WDPCP: variants seen among roughly 807,000 people sequenced by gnomAD.
The protein encoded by WDPCP is WD repeat containing planar cell polarity effector.
Under a neutral mutation model 93.1 loss-of-function variants are expected in WDPCP, and 71 were observed. The observed-to-expected ratio is 0.76, with a 90% CI of 0.63 to 0.93. The LOEUF (loss-of-function observed/expected upper bound fraction) is 0.93. WDPCP is among the 40% of genes least tolerant of loss of function. The probability of loss-of-function intolerance (pLI) is 0.00; values close to 1 mark genes in which losing one functional copy is unlikely to be tolerated. For missense variants in WDPCP, 844 were observed against 887.4 expected (o/e 0.95, Z 0.62); for synonymous variants, 315 against 315.0 (o/e 1.00, Z 0.00).
intron 12 of WDPCP, among the ~76,000 whole-genome samples, chr2:63,335,607 T>G (rs558367537): frequency 1.3e-5 from 2 of 152,234 alleles, no homozygotes; most frequent in Admixed American, 1.3e-4. Context: ...ATTTCCTTCT[T>G]AAACTGTTCA....
intron 2 of WDPCP, among the ~76,000 whole-genome samples, chr2:63,723,216 C>T (rs1669452094): frequency 6.6e-6 from 1 of 150,618 alleles, no homozygotes; most frequent in African/African-American, 2.5e-5. Flanking sequence ...TGCTGACCTT[C>T]CCTCCACTAT....
intron 3 of WDPCP, among the ~76,000 whole-genome samples, chr2:63,625,586 A>G (rs868551597): frequency 1.3e-4 from 20 of 152,204 alleles, no homozygotes; most frequent in African/African-American, 4.3e-4. Flanking sequence ...CAATTGCCAC[A>G]AAGAGAATAA....
intron 3 of WDPCP, among the ~76,000 whole-genome samples, chr2:63,629,891 A>C (rs7565881): frequency 6.6e-6 from 1 of 152,238 alleles, no homozygotes; most frequent in Non-Finnish European, 1.5e-5. Flanking sequence ...CCAGATTTCC[A>C]TTGAAAATTA....
At position 63,424,708 on chromosome 2, in the gene WDPCP, G is replaced by T. The variant is rs545182880; in HGVS notation, c.825+9037C>A. 3.3e-5 allele frequency among the ~76,000 whole-genome samples: 5 copies of T among 152,348 alleles called. No individual in the cohort carries two copies. The South Asian group carries it at 1.0e-3, about 32-fold the overall frequency. On this transcript the variant is annotated intron_variant, in intron 9 of 17. Transcript: ENST00000272321. ...AGAGCTCCCACTTTCAGAACACTCA[G>T]AAGAGTGAAACATGGGTATTCGTGG...
intron 2 of WDPCP, among the ~76,000 whole-genome samples, chr2:63,748,818 T>C (rs1438697372): frequency 6.6e-6 from 1 of 152,124 alleles, no homozygotes; most frequent in African/African-American, 2.4e-5. Flanking sequence ...TTGTTCATTT[T>C]ACTTAGAGTT....
chr2:63,473,203 T>G (rs1177068816), intron 6 of WDPCP, among the ~76,000 whole-genome samples: 1 of 152,230 alleles, frequency 6.6e-6, no homozygotes, highest in East Asian at 1.9e-4. Flanking sequence ...TACGTTTTAC[T>G]CTGGGAAGAA....
chr2:63,243,439 G>A (rs1241509629), intron 14 of WDPCP, among the ~76,000 whole-genome samples: 1 of 151,928 alleles, frequency 6.6e-6, no homozygotes, highest in Non-Finnish European at 1.5e-5. Context: ...TTTGTTGTAT[G>A]CATAGTTTGT....
intron 1 of WDPCP, among the ~76,000 whole-genome samples, chr2:63,525,665 G>A (rs1003547387): frequency 6.6e-6 from 1 of 152,154 alleles, no homozygotes; most frequent in African/African-American, 2.4e-5. Flanking sequence ...AAGTTGATGA[G>A]TACACAGGGC....
chr2:63,450,023 C>T (rs904062722), intron 6 of WDPCP, among the ~76,000 whole-genome samples: 2 of 152,104 alleles, frequency 1.3e-5, no homozygotes, highest in East Asian at 3.9e-4. Flanking sequence ...AAAGGGAGCC[C>T]CCAGGACAAA....
At chr2:63,324,226 G>A (rs543739606) in intron 12 of WDPCP, among the ~76,000 whole-genome samples, 17 of 152,184 alleles carry the variant, frequency 1.1e-4, no homozygotes, top group South Asian at 4.1e-4. Context: ...TTCATTGAAG[G>A]AGAATACATG....
At chr2:63,766,631 T>C (rs1471751847) in intron 2 of WDPCP, among the ~76,000 whole-genome samples, 1 of 151,766 alleles carries the variant, frequency 6.6e-6, no homozygotes, top group Non-Finnish European at 1.5e-5. Flanking sequence ...AATGCATATG[T>C]TTAAAGTCTC....
At chr2:63,321,761 T>A (rs1179868469) in intron 12 of WDPCP, among the ~76,000 whole-genome samples, 1 of 152,204 alleles carries the variant, frequency 6.6e-6, no homozygotes, top group Non-Finnish European at 1.5e-5. Context: ...TATGGCAACT[T>A]TGCTTTACTT....
intron 3 of WDPCP, among the ~76,000 whole-genome samples, chr2:63,600,320 C>G (rs1276482444): frequency 1.3e-5 from 2 of 152,110 alleles, no homozygotes; most frequent in Non-Finnish European, 2.9e-5. Flanking sequence ...CATATTATCC[C>G]TGCATTAGGT....
At chr2:63,362,328 G>T (rs1242827121) in intron 12 of WDPCP, among the ~76,000 whole-genome samples, 3 of 144,818 alleles carry the variant, frequency 2.1e-5, no homozygotes, top group Non-Finnish European at 4.5e-5. Context: ...GAGGGGAGGG[G>T]AAGAGAGAGG....
At chr2:63,688,209 G>A (rs1465380367) in intron 2 of WDPCP, among the ~76,000 whole-genome samples, 2 of 152,108 alleles carry the variant, frequency 1.3e-5, no homozygotes, top group African/African-American at 2.4e-5. Flanking sequence ...GGCAGATCAC[G>A]AGGTCAGGAG....
chr2:63,388,727 A>G (rs888464985), intron 10 of WDPCP, among the ~76,000 whole-genome samples: 2 of 152,194 alleles, frequency 1.3e-5, no homozygotes, highest in Admixed American at 6.5e-5. Flanking sequence ...GCTGAAAACC[A>G]TGGCACGAGA....
intron 3 of WDPCP, among the ~76,000 whole-genome samples, chr2:63,645,627 T>C (rs1710038692): frequency 6.6e-6 from 1 of 152,214 alleles, no homozygotes; most frequent in Non-Finnish European, 1.5e-5. Context: ...TATTATTATA[T>C]TGGAGTCTAT....
At chr2:63,713,233 A>T (rs1456401097) in intron 2 of WDPCP, among the ~76,000 whole-genome samples, 2 of 151,940 alleles carry the variant, frequency 1.3e-5, no homozygotes, top group Non-Finnish European at 2.9e-5. Flanking sequence ...TCCATCACAC[A>T]CCTCCATTCC....
upstream of WDPCP, among the ~76,000 whole-genome samples, chr2:63,829,405 G>A (rs1352665075): frequency 2.6e-5 from 4 of 151,874 alleles, no homozygotes; most frequent in Admixed American, 1.3e-4. Flanking sequence ...AAAATAATAC[G>A]CACGCACTGC....
Sources: gnomAD v4.1 joint callset for allele counts (sites outside exome capture counted in the v4.1 genomes callset) on GRCh38, gnomAD v4.1.1 for gene constraint, MANE v1.5 for transcripts, NCBI Gene and HGNC (gene_info 2026-07-23, HGNC 2026-07-21) for gene names.